The following EXOC2 variants were observed in gnomAD, a reference collection of about 807,000 sequenced individuals.
EXOC2 encodes the protein exocyst complex component 2, also known as SEC5-like 1.
Under a neutral mutation model 131.8 loss-of-function variants are expected in EXOC2, and 70 were observed. The observed-to-expected ratio is 0.53, with a 90% CI of 0.44 to 0.65. The LOEUF is 0.65. EXOC2 is among the 30% of genes least tolerant of loss of function. The pLI is 0.00. For missense variants in EXOC2, 923 were observed against 1,108.6 expected (o/e 0.83, Z 2.38); for synonymous variants, 411 against 398.4 (o/e 1.03, Z -0.38).
At chr6:682,060 AG>A (rs1161684395) in intron 1 of EXOC2, among the ~76,000 whole-genome samples, 2 of 152,266 alleles carry the variant, frequency 1.3e-5, no homozygotes, top group Non-Finnish European at 2.9e-5. Context: ...GTGAAACTCC[AG>A]AAGGGCTGGG....
intron 24 of EXOC2, 148 bp from the exon 25 acceptor site, chr6:497,637 G>C: frequency 3.0e-6 from 3 of 1,016,888 alleles, no homozygotes; most frequent in East Asian, 2.7e-5. Flanking sequence ...ATGAAAGGAA[G>C]ATACAGACTT....
At chr6:518,393 T>G (rs1765276947) in intron 23 of EXOC2, among the ~76,000 whole-genome samples, 1 of 152,256 alleles carries the variant, frequency 6.6e-6, no homozygotes, top group South Asian at 2.1e-4. Flanking sequence ...AACCAAAAGT[T>G]TTTAAATGAC....
intron 22 of EXOC2, among the ~76,000 whole-genome samples, chr6:541,068 A>C (rs1196095594): frequency 6.6e-6 from 1 of 152,222 alleles, no homozygotes; most frequent in Non-Finnish European, 1.5e-5. Flanking sequence ...AGGGTTTCAG[A>C]AAACTGTCCA....
At position 586,995 on chromosome 6, in the gene EXOC2, C is replaced by T. The variant is rs560681001; in HGVS notation, c.1192+5474G>A. 2.0e-5 allele frequency among the ~76,000 whole-genome samples: 3 copies of T among 152,280 alleles called. No individual in the cohort carries two copies. The East Asian group carries it at 5.8e-4, about 29-fold the overall frequency. Reference sequence around the variant, plus strand: ...AAAATGTCACAATTATGAGAGGATGCTCAAAGGAAATTCCAAACAATATTT... The same window carrying T: ...AAAATGTCACAATTATGAGAGGATGTTCAAAGGAAATTCCAAACAATATTT... On this transcript the variant is annotated intron_variant, in intron 11 of 27. Transcript: ENST00000230449.
intron 11 of EXOC2, among the ~76,000 whole-genome samples, chr6:577,249 T>C (rs1042453332): frequency 1.3e-5 from 2 of 152,198 alleles, no homozygotes; most frequent in Admixed American, 6.5e-5. Flanking sequence ...TCTCCCTTAA[T>C]GCCACACTTT....
At chr6:562,934 C>T (rs1466022063) in intron 16 of EXOC2, 89 bp from the exon 17 acceptor site, 2 of 941,656 alleles carry the variant, frequency 2.1e-6, no homozygotes, top group Non-Finnish European at 3.0e-6. Flanking sequence ...TATGGTTTTT[C>T]ATTGTTTTAT....
intron 16 of EXOC2, among the ~76,000 whole-genome samples, chr6:563,681 T>A (rs1757817419): frequency 6.6e-6 from 1 of 152,196 alleles, no homozygotes; most frequent in Non-Finnish European, 1.5e-5. Flanking sequence ...TGGACATTGA[T>A]TTCTGTAAAT....
At chr6:676,076 C>T (rs144470795) in intron 1 of EXOC2, among the ~76,000 whole-genome samples, 8 of 58,680 alleles carry the variant, frequency 1.4e-4, no homozygotes, top group Non-Finnish European at 7.0e-5. Flanking sequence ...GTTCCTCTGG[C>T]GACTGCGGTT....
At chr6:670,508 AAGG>A (rs1763816490) in intron 1 of EXOC2, among the ~76,000 whole-genome samples, 1 of 151,640 alleles carries the variant, frequency 6.6e-6, no homozygotes, top group African/African-American at 2.4e-5. Context: ...AAAAAAAGGG[AAGG>A]AGGACTTCAA....
chr6:638,422 G>C (rs1242643750), intron 1 of EXOC2, among the ~76,000 whole-genome samples: 1 of 152,216 alleles, frequency 6.6e-6, no homozygotes, highest in Non-Finnish European at 1.5e-5. Context: ...GCTAGCTGTT[G>C]TGAGTATAAC....
At chr6:547,437 T>C (rs151055069) in intron 22 of EXOC2, among the ~76,000 whole-genome samples, 1 of 152,194 alleles carries the variant, frequency 6.6e-6, no homozygotes, top group Non-Finnish European at 1.5e-5. Context: ...GACCCTCATC[T>C]TCAAGTGCGG....
chr6:531,330 C>A (rs1413912094), intron 23 of EXOC2, among the ~76,000 whole-genome samples: 1 of 146,098 alleles, frequency 6.8e-6, no homozygotes, highest in South Asian at 2.1e-4. Flanking sequence ...ACTGATAGAA[C>A]CTGCCTTAAA....
At chr6:686,501 G>A (rs1764661592) in intron 1 of EXOC2, among the ~76,000 whole-genome samples, 1 of 152,158 alleles carries the variant, frequency 6.6e-6, no homozygotes, top group Non-Finnish European at 1.5e-5. Context: ...GAGAGATTAA[G>A]GGGACGAGAA....
intron 11 of EXOC2, among the ~76,000 whole-genome samples, chr6:588,974 C>T (rs1052854935): frequency 2.0e-5 from 3 of 152,100 alleles, no homozygotes; most frequent in East Asian, 3.8e-4. Flanking sequence ...AAAGATATGA[C>T]GAGATAGATG....
At chr6:567,695 C>A (rs1758050851) in intron 13 of EXOC2, among the ~76,000 whole-genome samples, 1 of 152,104 alleles carries the variant, frequency 6.6e-6, no homozygotes, top group Non-Finnish European at 1.5e-5. Flanking sequence ...TGTGTGCATG[C>A]ATACATGTGC....
intron 23 of EXOC2, among the ~76,000 whole-genome samples, chr6:511,652 C>A (rs1472388563): frequency 6.6e-6 from 1 of 152,236 alleles, no homozygotes; most frequent in Non-Finnish European, 1.5e-5. Flanking sequence ...AAGCCGCTCA[C>A]CTGCAGGGGC....
intron 16 of EXOC2, among the ~76,000 whole-genome samples, 183 bp from the exon 17 acceptor site, chr6:563,028 A>G (rs1447467472): frequency 6.6e-6 from 1 of 152,232 alleles, no homozygotes; most frequent in Non-Finnish European, 1.5e-5. Context: ...TGTTCACTGG[A>G]TGATTCTACT....
chr6:507,699 T>C (rs2127498269), intron 23 of EXOC2, among the ~76,000 whole-genome samples: 1 of 152,314 alleles, frequency 6.6e-6, no homozygotes, highest in South Asian at 2.1e-4. Flanking sequence ...TGTATTGGAA[T>C]GACCTGGATT....
chr6:576,917 G>T, intron 11 of EXOC2, 35 bp from the exon 12 acceptor site: 1 of 1,605,040 alleles, frequency 6.2e-7, no homozygotes, highest in South Asian at 1.1e-5. Flanking sequence ...AGAGTATATA[G>T]CATGCTCTAT....
Sources: allele counts gnomAD v4.1 joint callset (sites outside exome capture counted in the v4.1 genomes callset), GRCh38; gene constraint gnomAD v4.1.1; transcripts MANE v1.5; gene names NCBI Gene and HGNC (gene_info 2026-07-23, HGNC 2026-07-21).